The following HEATR6 variants were observed in gnomAD, a reference collection of about 807,000 sequenced individuals.
HEATR6 encodes the protein HEAT repeat-containing protein 6.
Under a neutral mutation model 132.8 loss-of-function variants are expected in HEATR6, and 106 were observed. The observed-to-expected ratio is 0.80, with a 90% CI of 0.68 to 0.94. HEATR6 has a LOEUF of 0.94. HEATR6 is among the 40% of genes least tolerant of loss of function. The probability of loss-of-function intolerance (pLI) is 0.00; values close to 1 mark genes in which losing one functional copy is unlikely to be tolerated. For synonymous variants in HEATR6, 529 were observed against 537.8 expected, an observed-to-expected ratio of 0.98 and a Z score of 0.23; for missense variants, 1,339 against 1,425.1, an observed-to-expected ratio of 0.94 and a Z score of 0.97.
intron 11 of HEATR6, among the ~76,000 whole-genome samples, chr17:60,058,539 G>A (rs565922651): frequency 5.3e-5 from 8 of 152,194 alleles, no homozygotes; most frequent in Non-Finnish European, 1.0e-4. Context: ...CTTAGGGTAA[G>A]ACTTATCTTT....
intron 5 of HEATR6, among the ~76,000 whole-genome samples, chr17:60,071,714 T>C (rs547528822): frequency 5.3e-5 from 8 of 152,320 alleles, no homozygotes; most frequent in Non-Finnish European, 7.4e-5. Flanking sequence ...ATTATGCTCA[T>C]TTACATATAG....
chr17:60,072,217 T>C lies in HEATR6; in HGVS notation c.697A>G (p.Met233Val), dbSNP rs1029480018. 1.3e-6 allele frequency: 2 copies of C among 1,530,544 alleles called. No individual in the cohort carries two copies. Among genetic ancestry groups the C allele is most frequent in the Admixed American group, 1.7e-5 (1 of 58,330 alleles). The allele number at this position is 1,530,544 out of a possible 1,614,324, so 94.8% of individuals were successfully genotyped here. A position where few individuals can be genotyped will look rare whatever the true frequency, so the allele number is the denominator to read the frequency against. ...SSDMDDITFC[M>V]LLQNALKGIQ... Reference sequence around the variant, plus strand: ...TACGTCAATGATAGTCCACTTACCATGCAAAATGTGATATCATCCATATCA... The same window carrying C: ...TACGTCAATGATAGTCCACTTACCACGCAAAATGTGATATCATCCATATCA... Residue 233 changes from methionine (M) to valine (V), a missense_variant and splice_region_variant, in exon 5 of 20, where the codon ATG becomes GTG. Coordinates refer to ENST00000184956, the MANE Select transcript of HEATR6 (RefSeq NM_022070.5).
chr17:60,065,340 A>C (rs1352179911), intron 9 of HEATR6, among the ~76,000 whole-genome samples: 4 of 152,240 alleles, frequency 2.6e-5, no homozygotes, highest in Non-Finnish European at 5.9e-5. Context: ...CTCATATGGA[A>C]TTCCAACGTA....
In HEATR6 at chr17:60,044,001, A is replaced by T; in HGVS notation, c.3108T>A (p.Val1036=). ...CATTCCAGATCCGAGCATACTGGTC[A>T]ACAGACCCGTACTGCTCTCTCTTCC... ...VPGKREQYGS[V]DQYARIWNAL... The change falls in exon 20 of 20, where the codon GTT becomes GTA. Residue 1036 remains valine, a synonymous_variant. Transcript: ENST00000184956. 6.2e-7 allele frequency: 1 copy of T among 1,614,194 alleles called. No individual in the cohort carries two copies. Among genetic ancestry groups the T allele is most frequent in the Non-Finnish European group, 8.5e-7 (1 of 1,180,042 alleles).
Position 60,041,957 on chromosome 17 carries a change from C to G in HEATR6, c.*1606G>C, listed in dbSNP as rs1317235597. On this transcript the variant is annotated 3_prime_UTR_variant, in exon 20 of 20. Coordinates refer to ENST00000184956, the MANE Select transcript of HEATR6 (RefSeq NM_022070.5). ...ATATCCCTAAATTCCTAATTGAAAT[C>G]AATTCCAATAAATCGTTGGTGCTCA... Among the ~76,000 whole-genome samples the G allele has an allele frequency of 6.6e-6, 1 of 152,176 alleles. No homozygotes were observed. Among genetic ancestry groups the G allele is most frequent in the Non-Finnish European group, 1.5e-5 (1 of 68,026 alleles).
chr17:60,060,018 T>G lies in HEATR6; in HGVS notation c.1495A>C (p.Ser499Arg). ...KQFLSVAEDTSDHRRAFTPFS... is the reference protein window; with the variant it reads ...KQFLSVAEDTRDHRRAFTPFS... ...GGGGTAAAAGCCCTTCTGTGGTCAC[T>G]GGTATCTTCAGCAACAGAAAGAAAC... Residue 499 changes from serine to arginine, a missense_variant, in exon 10 of 20, where the codon AGT becomes CGT. Ser to Arg is a moderately radical substitution (Grantham distance 110). Coordinates refer to ENST00000184956, the MANE Select transcript of HEATR6 (RefSeq NM_022070.5). 3.1e-6 allele frequency: 5 copies of G among 1,613,948 alleles called. No homozygotes were observed. Among genetic ancestry groups the G allele is most frequent in the Non-Finnish European group, 4.2e-6 (5 of 1,179,866 alleles).
At chr17:60,056,913 A>C in intron 12 of HEATR6, 135 bp downstream of exon 12, 1 of 619,886 alleles carries the variant, frequency 1.6e-6, no homozygotes, top group Non-Finnish European at 2.8e-6. Flanking sequence ...AAAACAATAC[A>C]CCACCCATAC....
At chr17:60,076,270 C>G in intron 1 of HEATR6, 33 bp from the exon 2 acceptor site, 3 of 1,210,588 alleles carry the variant, frequency 2.5e-6, no homozygotes, top group Non-Finnish European at 3.6e-6. Context: ...AGGTAAAATA[C>G]TTATTAGTCA....
intron 15 of HEATR6, among the ~76,000 whole-genome samples, chr17:60,050,477 T>C (rs1906540417): frequency 6.6e-6 from 1 of 152,200 alleles, no homozygotes; most frequent in Non-Finnish European, 1.5e-5. Context: ...TACCATCTTA[T>C]TGATGATAAT....
intron 19 of HEATR6, among the ~76,000 whole-genome samples, chr17:60,044,796 C>T (rs112626571): frequency 0.02 from 3,121 of 152,246 alleles, 86 homozygotes; most frequent in African/African-American, 0.067. Context: ...TCTCCCAGCC[C>T]TTCCTGGCTT....
In HEATR6 at chr17:60,048,513, A is replaced by G; in HGVS notation, c.2548-125T>C. On this transcript the variant is annotated intron_variant, in intron 16 of 19. Transcript: ENST00000184956. ...CATTTCTACTTAGAAATAAAAATTC[A>G]TCTACTCAATCAATTTACTGTTCTT... The G allele has an allele frequency of 6.7e-6, 6 of 892,898 alleles. No individual in the cohort carries two copies. In the South Asian group the frequency reaches 1.4e-4, roughly 21 times the overall value. The allele number at this position is 892,898 out of a possible 1,614,324, so 55.3% of individuals were successfully genotyped here.
intron 9 of HEATR6, among the ~76,000 whole-genome samples, chr17:60,062,422 A>G (rs2083217019): frequency 6.6e-6 from 1 of 152,372 alleles, no homozygotes; most frequent in Admixed American, 6.5e-5. Context: ...CTCCTTGGAC[A>G]TGAAGACTTG....
At chr17:60,056,461 T>C (rs1222556804) in intron 12 of HEATR6, among the ~76,000 whole-genome samples, 2 of 152,184 alleles carry the variant, frequency 1.3e-5, no homozygotes, top group Non-Finnish European at 2.9e-5. Context: ...AGAATCTCAT[T>C]TAAGTCTTGG....
chr17:60,044,737 G>A (rs1326457096), intron 19 of HEATR6, among the ~76,000 whole-genome samples: 1 of 152,188 alleles, frequency 6.6e-6, no homozygotes, highest in African/African-American at 2.4e-5. Flanking sequence ...CCACTTTGGG[G>A]TGTCCTTACT....
In HEATR6 at chr17:60,043,552, T is replaced by C. The variant is rs1372475881; in HGVS notation, c.*11A>G. 2 of 1,596,774 alleles carry C rather than the reference T, an allele frequency of 1.3e-6. No individual in the cohort carries two copies. The highest frequency in any genetic ancestry group is 2.2e-5 in the South Asian group (2 of 89,960). On this transcript the variant is annotated 3_prime_UTR_variant, in exon 20 of 20. Coordinates refer to ENST00000184956, the MANE Select transcript of HEATR6 (RefSeq NM_022070.5). ...TGCCGCCTTCGACATCTAGAAAGTA[T>C]GGTGGGATCTTCACTGATTTGTTAA...
chr17:60,070,599 A>C, intron 6 of HEATR6, 107 bp downstream of exon 6: 2 of 518,480 alleles, frequency 3.9e-6, no homozygotes, highest in Non-Finnish European at 6.9e-6. Flanking sequence ...AAATATATGT[A>C]AGAACTTTTA....
chr17:60,072,447 C>A (rs2083274246), intron 4 of HEATR6, 118 bp from the exon 5 acceptor site: 1 of 483,362 alleles, frequency 2.1e-6, no homozygotes, highest in East Asian at 3.3e-5. Flanking sequence ...CCCTTGAGTG[C>A]AACTATGCTA....
chr17:60,049,479 T>C, intron 16 of HEATR6, 101 bp downstream of exon 16: 2 of 1,326,930 alleles, frequency 1.5e-6, no homozygotes, highest in Non-Finnish European at 2.1e-6. Context: ...CAAAGCAATT[T>C]AGTTTCCTTT....
Position 60,050,879 on chromosome 17 carries a change from C to G in HEATR6, c.2388G>C (p.Leu796=), listed in dbSNP as rs974512541. ...TGAAGGCCTCTGGCAAGATGGAAGA[C>G]AGGGCATCACAGGCGCTCGCCTGGA... The part of the protein sequence containing the change: ...PTLQASACDA[L]SSILPEAFSN... Residue 796 remains leucine (L), a synonymous_variant, in exon 15 of 20, where the codon CTG becomes CTC. Transcript: ENST00000184956. 6.2e-7 allele frequency: 1 copy of G among 1,614,202 alleles called. No individual in the cohort carries two copies. Among genetic ancestry groups the G allele is most frequent in the Non-Finnish European group, 8.5e-7 (1 of 1,180,030 alleles).
Sources: allele counts gnomAD v4.1 joint callset (sites outside exome capture counted in the v4.1 genomes callset), GRCh38; gene constraint gnomAD v4.1.1; transcripts MANE v1.5; gene names NCBI Gene and HGNC (gene_info 2026-07-23, HGNC 2026-07-21).